The following CDH13 variants were observed in gnomAD, a reference collection of about 807,000 sequenced individuals.
CDH13 encodes the protein cadherin 13.
CDH13 carries 24 observed loss-of-function variants against 63.8 expected under a neutral mutation model. The observed-to-expected ratio is 0.38, with a 90% CI of 0.27 to 0.53. The LOEUF (loss-of-function observed/expected upper bound fraction) is 0.53. Among genes scored for constraint, CDH13 ranks in the 20% least tolerant of loss-of-function variants. The pLI, the probability that CDH13 is intolerant of heterozygous loss-of-function variation, is 0.85. For missense variants in CDH13, 1,049 were observed against 903.1 expected, an observed-to-expected ratio of 1.16 and a Z score of -2.07; for synonymous variants, 503 against 355.3, an observed-to-expected ratio of 1.42 and a Z score of -4.67.
intron 3 of CDH13, among the ~76,000 whole-genome samples, chr16:83,107,520 A>G (rs2034831807): frequency 6.6e-6 from 1 of 152,192 alleles, no homozygotes; most frequent in African/African-American, 2.4e-5. Flanking sequence ...CTGTTTCTCC[A>G]CTGGACACCA....
At chr16:83,782,717 C>T (rs1002472612) in intron 12 of CDH13, among the ~76,000 whole-genome samples, 6 of 135,030 alleles carry the variant, frequency 4.4e-5, no homozygotes, top group African/African-American at 1.7e-4. Flanking sequence ...GGCTGGGCAA[C>T]AGAGTGAGAC....
At chr16:83,774,726 A>G (rs556786646) in intron 11 of CDH13, among the ~76,000 whole-genome samples, 1 of 152,302 alleles carries the variant, frequency 6.6e-6, no homozygotes, top group African/African-American at 2.4e-5. Context: ...TGGGTTCCCC[A>G]GAGTCGTCAG....
chr16:83,604,423 G>A (rs1388703026), intron 8 of CDH13, among the ~76,000 whole-genome samples: 2 of 152,130 alleles, frequency 1.3e-5, no homozygotes, highest in African/African-American at 4.8e-5. Flanking sequence ...TACACCACCG[G>A]GGTGGGGATA....
At chr16:82,827,958 G>A (rs1482916752) in intron 1 of CDH13, among the ~76,000 whole-genome samples, 1 of 152,074 alleles carries the variant, frequency 6.6e-6, no homozygotes, top group Non-Finnish European at 1.5e-5. Context: ...AGTCATCCTG[G>A]TTTGCCCAAT....
At position 83,152,021 on chromosome 16, in the gene CDH13, A is replaced by G. The variant is rs2151696111; in HGVS notation, c.483+26520A>G. On this transcript the variant is annotated intron_variant, in intron 4 of 13. Transcript: ENST00000567109. Reference sequence around the variant, plus strand: ...TTTTGCAAGACAAACAAAAAAAAAAAGAATATTTAGGATTTAGTCTATAAC... The same window carrying G: ...TTTTGCAAGACAAACAAAAAAAAAAGGAATATTTAGGATTTAGTCTATAAC... 1.3e-5 allele frequency among the ~76,000 whole-genome samples: 2 copies of G among 152,042 alleles called. 1 individual carries two copies.
chr16:83,210,479 G>C (rs966547970), intron 4 of CDH13, among the ~76,000 whole-genome samples: 4 of 152,174 alleles, frequency 2.6e-5, no homozygotes, highest in African/African-American at 9.6e-5. Flanking sequence ...TCAGAAACAT[G>C]GAGGCCAGGG....
chr16:82,890,234 C>T (rs1449768281), intron 2 of CDH13, among the ~76,000 whole-genome samples: 3 of 152,038 alleles, frequency 2.0e-5, no homozygotes, highest in East Asian at 3.9e-4. Context: ...AGAGCCTGTC[C>T]CAAAAGAAAT....
At chr16:82,747,949 A>G (rs1165383084) in intron 1 of CDH13, among the ~76,000 whole-genome samples, 1 of 152,232 alleles carries the variant, frequency 6.6e-6, no homozygotes, top group East Asian at 1.9e-4. Flanking sequence ...GCACAATTTT[A>G]GATAGTTGAT....
At chr16:82,933,508 AC>A (rs1413122283) in intron 2 of CDH13, among the ~76,000 whole-genome samples, 1 of 152,178 alleles carries the variant, frequency 6.6e-6, no homozygotes, top group Non-Finnish European at 1.5e-5. Context: ...GCATTCTGCC[AC>A]TTGCCCCTCT....
At chr16:83,044,853 A>G (rs1917634382) in intron 3 of CDH13, among the ~76,000 whole-genome samples, 1 of 152,176 alleles carries the variant, frequency 6.6e-6, no homozygotes, top group African/African-American at 2.4e-5. Flanking sequence ...CGGGGCTTTC[A>G]CATAGATGGA....
chr16:83,737,950 C>T (rs970086700), intron 10 of CDH13, among the ~76,000 whole-genome samples: 2 of 152,204 alleles, frequency 1.3e-5, no homozygotes, highest in African/African-American at 2.4e-5. Flanking sequence ...GTAATATCTA[C>T]CTCCCAGGTT....
At chr16:82,901,156 G>C (rs962613392) in intron 2 of CDH13, among the ~76,000 whole-genome samples, 1 of 150,868 alleles carries the variant, frequency 6.6e-6, no homozygotes, top group Non-Finnish European at 1.5e-5. Context: ...AAAAATGTCC[G>C]TACAGAAGAA....
chr16:83,509,847 T>G (rs909422324), intron 7 of CDH13, among the ~76,000 whole-genome samples: 2 of 152,202 alleles, frequency 1.3e-5, no homozygotes, highest in African/African-American at 4.8e-5. Context: ...GACCTTGTTT[T>G]CCTCATGGCA....
At chr16:83,331,081 T>A (rs1479363308) in intron 5 of CDH13, among the ~76,000 whole-genome samples, 1 of 152,170 alleles carries the variant, frequency 6.6e-6, no homozygotes, top group Non-Finnish European at 1.5e-5. Context: ...AAATTGAGAT[T>A]CTGAGAAGGT....
intron 7 of CDH13, among the ~76,000 whole-genome samples, chr16:83,534,080 A>G (rs941190806): frequency 2.0e-5 from 3 of 152,116 alleles, no homozygotes; most frequent in African/African-American, 7.2e-5. Flanking sequence ...CTATATTCTC[A>G]TCGCCCCCAA....
chr16:83,014,740 AAAAAT>A (rs1567745400), intron 2 of CDH13, among the ~76,000 whole-genome samples: 15 of 34,954 alleles, frequency 4.3e-4, no homozygotes, highest in African/African-American at 1.4e-3. Flanking sequence ...AAAAAAAAAA[AAAAAT>A]ATATATATAT....
intron 6 of CDH13, among the ~76,000 whole-genome samples, chr16:83,406,062 G>A (rs2092038795): frequency 6.6e-6 from 1 of 152,090 alleles, no homozygotes; most frequent in Non-Finnish European, 1.5e-5. Flanking sequence ...AAAATTCTTT[G>A]CCAGCACATA....
chr16:83,393,454 G>C (rs1030103442), intron 6 of CDH13, among the ~76,000 whole-genome samples: 1 of 152,140 alleles, frequency 6.6e-6, no homozygotes, highest in Non-Finnish European at 1.5e-5. Context: ...CAGAATTTCT[G>C]TCACAATCTG....
chr16:82,628,130 G>A (rs370169620), intron 1 of CDH13, among the ~76,000 whole-genome samples: 95 of 152,306 alleles, frequency 6.2e-4, no homozygotes, highest in Middle Eastern at 3.4e-3. Flanking sequence ...CGCTGCGGGG[G>A]GCACGCCCTG....
Sources: allele counts gnomAD v4.1 joint callset (sites outside exome capture counted in the v4.1 genomes callset), GRCh38; gene constraint gnomAD v4.1.1; transcripts MANE v1.5; gene names NCBI Gene and HGNC (gene_info 2026-07-23, HGNC 2026-07-21).